GALNT13: variants seen among roughly 807,000 people sequenced by gnomAD.
GALNT13 encodes the protein polypeptide N-acetylgalactosaminyltransferase 13.
GALNT13 carries 28 observed loss-of-function variants against 64.2 expected under a neutral mutation model. That is an observed-to-expected ratio of 0.44 (90% confidence interval 0.32 to 0.60). The LOEUF (loss-of-function observed/expected upper bound fraction) is 0.60. Among genes scored for constraint, GALNT13 ranks in the 20% least tolerant of loss-of-function variants. GALNT13 has a pLI of 0.05. For synonymous variants in GALNT13, 214 were observed against 224.6 expected (o/e 0.95, Z 0.42); for missense variants, 577 against 669.8 (o/e 0.86, Z 1.53).
the GALNT13 span, among the ~76,000 whole-genome samples, chr2:153,097,734 G>A: frequency 4.6e-5 from 7 of 151,826 alleles, no homozygotes; most frequent in Non-Finnish European, 1.0e-4. Flanking sequence ...CTAATTTTTG[G>A]TATTTGTGCT....
At chr2:154,227,221 G>A (rs1405406158) in intron 4 of GALNT13, among the ~76,000 whole-genome samples, 1 of 152,130 alleles carries the variant, frequency 6.6e-6, no homozygotes, top group East Asian at 1.9e-4. Flanking sequence ...TGTGGGGAGG[G>A]GCTGTCTCAC....
the GALNT13 span, among the ~76,000 whole-genome samples, chr2:153,663,974 GAGTA>G: frequency 2.6e-5 from 4 of 152,156 alleles, no homozygotes; most frequent in Non-Finnish European, 5.9e-5. Flanking sequence ...TACGAATAGA[GAGTA>G]AGTCACAAAG....
In GALNT13 at chr2:154,031,819, G is replaced by A. The variant is rs575161517; in HGVS notation, c.142+87180G>A. On this transcript the variant is annotated intron_variant, in intron 3 of 12. Coordinates refer to ENST00000392825, the MANE Select transcript of GALNT13 (RefSeq NM_052917.4). ...GATAAATCCATAATTATATTGGAAG[G>A]CTGTAACAGTCCTTTCTCACTAATT... Among the ~76,000 whole-genome samples the A allele has an allele frequency of 2.0e-5, 3 of 151,938 alleles. No individual in the cohort carries two copies. The East Asian group carries it at 5.8e-4, about 29-fold the overall frequency.
chr2:153,301,309 C>CAAAAAAGAAAAAAA, the GALNT13 span, among the ~76,000 whole-genome samples: 1 of 76,432 alleles, frequency 1.3e-5, no homozygotes, highest in African/African-American at 6.7e-5. Context: ...GACTCCTTCT[C>CAAAAAAGAAAAAAA]AAAAAAAAAG....
At chr2:153,309,822 G>T in the GALNT13 span, among the ~76,000 whole-genome samples, 1 of 152,000 alleles carries the variant, frequency 6.6e-6, no homozygotes, top group Non-Finnish European at 1.5e-5. Flanking sequence ...TAAATACCTA[G>T]GCAGTAAAAC....
chr2:154,100,175 T>G (rs1000255113), intron 3 of GALNT13, among the ~76,000 whole-genome samples: 3 of 152,122 alleles, frequency 2.0e-5, no homozygotes, highest in African/African-American at 7.2e-5. Flanking sequence ...TTCTTAAAAT[T>G]TCTTTGGCCA....
the GALNT13 span, among the ~76,000 whole-genome samples, chr2:153,272,510 A>G: frequency 1.0e-3 from 155 of 152,350 alleles, 1 homozygote; most frequent in African/African-American, 3.4e-3. Flanking sequence ...ATATGAAAAA[A>G]AAGCTCATCA....
chr2:153,264,927 A>T, the GALNT13 span, among the ~76,000 whole-genome samples: 2 of 152,250 alleles, frequency 1.3e-5, no homozygotes, highest in Non-Finnish European at 2.9e-5. Flanking sequence ...CATTCTGCAC[A>T]TATACCCCAG....
chr2:154,127,915 G>A (rs1216298281), intron 3 of GALNT13, among the ~76,000 whole-genome samples: 1 of 151,694 alleles, frequency 6.6e-6, no homozygotes, highest in African/African-American at 2.4e-5. Flanking sequence ...AGGATTTTAA[G>A]AGGAAACTAT....
chr2:154,436,749 AAAAGT>A (rs1173489066), intron 11 of GALNT13: 1 of 152,324 alleles, frequency 6.6e-6, no homozygotes, highest in African/African-American at 2.4e-5. Flanking sequence ...ATGAACATGA[AAAAGT>A]AAAGAACCTA....
the GALNT13 span, among the ~76,000 whole-genome samples, chr2:153,461,520 G>A: frequency 1.3e-5 from 2 of 152,008 alleles, no homozygotes; most frequent in Non-Finnish European, 2.9e-5. Context: ...GAGGACTGGG[G>A]CCCCTCTCCG....
At chr2:153,908,090 A>G (rs1369469066) in intron 2 of GALNT13, among the ~76,000 whole-genome samples, 1 of 151,970 alleles carries the variant, frequency 6.6e-6, no homozygotes, top group African/African-American at 2.4e-5. Context: ...ACTTTTTCAT[A>G]ATAGCCATTC....
chr2:154,212,977 G>A (rs1344655275), intron 4 of GALNT13, among the ~76,000 whole-genome samples: 1 of 152,014 alleles, frequency 6.6e-6, no homozygotes, highest in African/African-American at 2.4e-5. Context: ...TTTGGGATGT[G>A]GAAATCAAAG....
chr2:153,747,182 G>A, the GALNT13 span, among the ~76,000 whole-genome samples: 4 of 152,004 alleles, frequency 2.6e-5, no homozygotes, highest in Admixed American at 2.6e-4. Context: ...ATATCCATCT[G>A]CTCAAGACTT....
the GALNT13 span, among the ~76,000 whole-genome samples, chr2:153,396,816 G>T: frequency 6.6e-6 from 1 of 152,068 alleles, no homozygotes; most frequent in Non-Finnish European, 1.5e-5. Flanking sequence ...GAGAATTTCA[G>T]TTTATTAGGA....
chr2:153,246,408 G>A, the GALNT13 span, among the ~76,000 whole-genome samples: 1 of 152,090 alleles, frequency 6.6e-6, no homozygotes, highest in African/African-American at 2.4e-5. Flanking sequence ...AGAAAGATCA[G>A]GTCACCTGCA....
intron 4 of GALNT13, among the ~76,000 whole-genome samples, chr2:154,187,404 ACACACACAC>A (rs1686316366): frequency 6.6e-6 from 1 of 150,764 alleles, no homozygotes; most frequent in African/African-American, 2.4e-5. Context: ...ACACACACAC[ACACACACAC>A]AACTTCTAAA....
At chr2:153,441,557 A>G in the GALNT13 span, among the ~76,000 whole-genome samples, 754 of 152,286 alleles carry the variant, frequency 5.0e-3, 7 homozygotes, top group African/African-American at 0.017. Flanking sequence ...CATTTTCACC[A>G]TAATGATTCT....
At chr2:153,639,113 G>A in the GALNT13 span, among the ~76,000 whole-genome samples, 1 of 151,830 alleles carries the variant, frequency 6.6e-6, no homozygotes, top group Non-Finnish European at 1.5e-5. Context: ...GAGAGGGATG[G>A]TAAAGAGATC....
Sources: gnomAD v4.1 joint callset for allele counts (sites outside exome capture counted in the v4.1 genomes callset) on GRCh38, gnomAD v4.1.1 for gene constraint, MANE v1.5 for transcripts, NCBI Gene and HGNC (gene_info 2026-07-23, HGNC 2026-07-21) for gene names.